Variants in LRRFIP1 observed in about 807,000 individuals in gnomAD.
LRRFIP1 encodes the protein LRR binding FLII interacting protein 1, also known as leucine-rich repeat flightless-interacting protein 1.
LRRFIP1 carries 62 observed loss-of-function variants against 104.4 expected under a neutral mutation model. That is an observed-to-expected ratio of 0.59 (90% CI 0.48 to 0.73). The LOEUF (loss-of-function observed/expected upper bound fraction) is 0.73. Among genes scored for constraint, LRRFIP1 ranks in the 30% least tolerant of loss-of-function variants. The probability of loss-of-function intolerance (pLI) is 0.00; values close to 1 mark genes in which losing one functional copy is unlikely to be tolerated. For missense variants in LRRFIP1, 796 were observed against 824.5 expected, an observed-to-expected ratio of 0.97 and a Z score of 0.42; for synonymous variants, 300 against 299.0, an observed-to-expected ratio of 1.00 and a Z score of -0.03.
At position 237,743,881 on chromosome 2, in the gene LRRFIP1, C is replaced by T. The variant is rs138452074; in HGVS notation, c.634-4483C>T. On this transcript the variant is annotated intron_variant, in intron 11 of 23. Coordinates refer to ENST00000308482, the MANE Select transcript of LRRFIP1 (RefSeq NM_001137550.2). ...AGCCAACAGATCTGGGTCATCCAGG[C>T]CCCAAAATCTCACTGGGAACCTGGT... Among the ~76,000 whole-genome samples, 527 of 152,226 alleles carry T rather than the reference C, an allele frequency of 3.5e-3. 3 individuals are homozygous for T. Among genetic ancestry groups the T allele is most frequent in the African/African-American group, 0.012 (504 of 41,534 alleles).
At chr2:237,740,853 T>A (rs1004394695) in intron 11 of LRRFIP1, among the ~76,000 whole-genome samples, 1 of 136,402 alleles carries the variant, frequency 7.3e-6, no homozygotes, top group African/African-American at 2.8e-5. Context: ...GTGCCATTCA[T>A]CACTGTGCAG....
chr2:237,681,942 G>A (rs552820927), intron 1 of LRRFIP1, among the ~76,000 whole-genome samples: 8 of 152,054 alleles, frequency 5.3e-5, no homozygotes, highest in Non-Finnish European at 7.4e-5. Flanking sequence ...GCCTCCCAAA[G>A]TCCTATTCTT....
chr2:237,760,070 G>A lies in LRRFIP1; in HGVS notation c.1324G>A (p.Gly442Arg). Residue 442 changes from glycine to arginine, a missense_variant, in exon 19 of 24, where the codon GGA (glycine) becomes AGA (arginine). Gly to Arg is a moderately radical substitution (Grantham distance 125, BLOSUM62 -2). Transcript: ENST00000308482. Reference protein sequence around the residue: ...VMLKEELKKHGIILNSEIATN... With the variant: ...VMLKEELKKHRIILNSEIATN... ...AGCCTATTTTTGTTCCCAGAAACAT[G>A]GAATAATCCTAAATTCAGAAATAGC... The A allele has an allele frequency of 1.9e-6, 3 of 1,613,412 alleles. No individual in the cohort carries two copies. The highest frequency in any genetic ancestry group is 2.5e-6 in the Non-Finnish European group (3 of 1,179,474).
rs899517232 is a variant in LRRFIP1, at chr2:237,762,804, G to A, written c.1459+2599G>A. ...GCCCCATTCCTAGGAACCTTAGCAG[G>A]TGCTACCTATGAGGAACAGGTTCAA... is the stretch of plus-strand genomic sequence containing the variant. On this transcript the variant is annotated intron_variant, in intron 19 of 23. Coordinates refer to ENST00000308482, the MANE Select transcript of LRRFIP1 (RefSeq NM_001137550.2). 1.2e-6 allele frequency: 2 copies of A among 1,614,222 alleles called. No individual in the cohort carries two copies. Among genetic ancestry groups the A allele is most frequent in the African/African-American group, 1.3e-5 (1 of 75,048 alleles).
At chr2:237,667,195 C>A (rs1360957888) in intron 1 of LRRFIP1, among the ~76,000 whole-genome samples, 2 of 152,118 alleles carry the variant, frequency 1.3e-5, no homozygotes, top group African/African-American at 2.4e-5. Flanking sequence ...GACCTCCTGA[C>A]AGGCCCTGGT....
intron 21 of LRRFIP1, chr2:237,772,515 G>T: frequency 2.3e-6 from 1 of 429,822 alleles, no homozygotes; most frequent in Non-Finnish European, 4.1e-6. Flanking sequence ...AAAAATGAAA[G>T]GCTTTTTTCA....
In LRRFIP1 at chr2:237,717,519, T is replaced by C. The variant is rs76617360; in HGVS notation, c.202-243T>C. 2.0e-5 allele frequency among the ~76,000 whole-genome samples: 3 copies of C among 152,184 alleles called. No homozygotes were observed. Among genetic ancestry groups the C allele is most frequent in the African/African-American group, 7.2e-5 (3 of 41,430 alleles). On this transcript the variant is annotated intron_variant, in intron 3 of 23. Transcript: ENST00000308482. The surrounding 1 kb of genome is among the most constrained non-coding windows in gnomAD (Gnocchi z 4.2). ...TGGGGAAGCTTCGTCCTGGGCTCTC[T>C]TGCTTTGCCGGGATGGGGTGGGCTG...
At chr2:237,713,181 G>A (rs531542951) in intron 2 of LRRFIP1, among the ~76,000 whole-genome samples, 3 of 152,046 alleles carry the variant, frequency 2.0e-5, no homozygotes, top group East Asian at 1.9e-4. Flanking sequence ...CACCAGTGTC[G>A]GGGGCAGCCC....
At chr2:237,689,594 GC>G (rs1260241829) in intron 1 of LRRFIP1, among the ~76,000 whole-genome samples, 1 of 152,178 alleles carries the variant, frequency 6.6e-6, no homozygotes, top group African/African-American at 2.4e-5. Context: ...CTCTGCAGCA[GC>G]CCCTTCCCAC....
At chr2:237,679,447 C>G (rs1307864730) in intron 1 of LRRFIP1, among the ~76,000 whole-genome samples, 1 of 152,074 alleles carries the variant, frequency 6.6e-6, no homozygotes, top group Admixed American at 6.5e-5. Context: ...TCATACCCAA[C>G]AAAGAAATCA....
In LRRFIP1 at chr2:237,717,739, T is replaced by C; in HGVS notation, c.202-23T>C. ...TTAAGAAATTTCACTTCTTGCCTAA[T>C]TTTCTTTCCCTTCTGTCTATAGAAA... On this transcript the variant is annotated intron_variant, in intron 3 of 23. Coordinates refer to ENST00000308482, the MANE Select transcript of LRRFIP1 (RefSeq NM_001137550.2). This position sits in a 1 kb window ranked among gnomAD's most constrained non-coding sequence, Gnocchi z 4.2. 6.3e-7 allele frequency: 1 copy of C among 1,593,676 alleles called. No individual in the cohort carries two copies. The highest frequency in any genetic ancestry group is 8.6e-7 in the Non-Finnish European group (1 of 1,161,334).
Position 237,661,125 on chromosome 2 carries a change from G to T in LRRFIP1, c.96+33385G>T, listed in dbSNP as rs56959670. ...GGGGAGAGGCCTTGCTACAGTGGGTGCCTCATCAGCACTGTGAACAAACAG... is the reference window on the plus strand; with the variant it reads ...GGGGAGAGGCCTTGCTACAGTGGGTTCCTCATCAGCACTGTGAACAAACAG... On this transcript the variant is annotated intron_variant, in intron 1 of 23. Transcript: ENST00000308482. The surrounding 1 kb of genome is among the most constrained non-coding windows in gnomAD (Gnocchi z 4.4). Among the ~76,000 whole-genome samples the T allele has an allele frequency of 0.067, 10,222 of 152,156 alleles. 1,122 individuals are homozygous for T. Among genetic ancestry groups the T allele is most frequent in the African/African-American group, 0.23 (9,555 of 41,450 alleles).
chr2:237,658,802 TG>T (rs1291446568), intron 1 of LRRFIP1, among the ~76,000 whole-genome samples: 11 of 152,210 alleles, frequency 7.2e-5, no homozygotes, highest in Non-Finnish European at 7.3e-5. Flanking sequence ...TACCACCACC[TG>T]GTCTCTCCTT....
In LRRFIP1 at chr2:237,738,840, C is replaced by T. The variant is rs557820858; in HGVS notation, c.556-392C>T. Among the ~76,000 whole-genome samples, 63 of 152,356 alleles carry T rather than the reference C, an allele frequency of 4.1e-4. 2 individuals are homozygous for T. The South Asian group carries it at 0.012, about 30-fold the overall frequency. On this transcript the variant is annotated intron_variant, in intron 10 of 23. Transcript: ENST00000308482. The stretch of plus-strand genomic sequence containing the variant: ...CAAAATTTTTGTTCCCTTGCTAAAG[C>T]GCCAAGCGCCCTGTGCAAGTCTTCA...
chr2:237,762,399 G>A (rs1009582395), intron 19 of LRRFIP1, among the ~76,000 whole-genome samples: 1 of 152,216 alleles, frequency 6.6e-6, no homozygotes, highest in Non-Finnish European at 1.5e-5. Context: ...TGTGGTGGCA[G>A]TGGCCCTCAC....
In LRRFIP1 at chr2:237,766,284, G is replaced by A. The variant is rs912207602; in HGVS notation, c.1460-3659G>A. Among the ~76,000 whole-genome samples the A allele has an allele frequency of 1.3e-5, 2 of 152,226 alleles. No individual in the cohort carries two copies. Among genetic ancestry groups the A allele is most frequent in the Admixed American group, 6.5e-5 (1 of 15,288 alleles). On this transcript the variant is annotated intron_variant, in intron 19 of 23. Transcript: ENST00000308482. This position sits in a 1 kb window ranked among gnomAD's most constrained non-coding sequence, Gnocchi z 4.8. ...AAACCTTGACTGTTTCTGCTCAAGTGTCCTGAAGTAGAGGATGGTGGGGAT... is the reference window on the plus strand; with the variant it reads ...AAACCTTGACTGTTTCTGCTCAAGTATCCTGAAGTAGAGGATGGTGGGGAT...
chr2:237,779,880 GTTT>G lies in LRRFIP1; in HGVS notation c.*360_*362del. 1.3e-5 allele frequency: 2 copies of G among 154,074 alleles called. No homozygotes were observed. The highest frequency in any genetic ancestry group is 1.8e-4 in the South Asian group (1 of 5,506). The allele number at this position is 154,074 out of a possible 1,614,324, so 9.5% of individuals were successfully genotyped here. On this transcript the variant is annotated 3_prime_UTR_variant, in exon 24 of 24. Coordinates refer to ENST00000308482, the MANE Select transcript of LRRFIP1 (RefSeq NM_001137550.2). ...AAGTAAAGATTCAGTTGGGACTTGA[GTTT>G]TTTTTTTTTTTCATGTGTCTTGCTG...
At chr2:237,676,039 C>T (rs921791915) in intron 1 of LRRFIP1, among the ~76,000 whole-genome samples, 5 of 152,124 alleles carry the variant, frequency 3.3e-5, no homozygotes, top group South Asian at 2.1e-4. Context: ...GTTTTAAGTG[C>T]GCTAGTGTGT....
chr2:237,636,342 C>T (rs2083106800), intron 1 of LRRFIP1, among the ~76,000 whole-genome samples: 1 of 144,672 alleles, frequency 6.9e-6, no homozygotes. Flanking sequence ...TTTTCATTTT[C>T]CTTTCTTTTC....
Sources: gnomAD v4.1 joint callset for allele counts (sites outside exome capture counted in the v4.1 genomes callset) on GRCh38, gnomAD v4.1.1 for gene constraint, Gnocchi (gnomAD v3.1) non-coding constraint, MANE v1.5 for transcripts, NCBI Gene and HGNC (gene_info 2026-07-23, HGNC 2026-07-21) for gene names.